The following SGCD variants were observed in gnomAD, a reference collection of about 807,000 sequenced individuals.
SGCD encodes sarcoglycan delta.
Under a neutral mutation model 36.6 loss-of-function variants are expected in SGCD, and 18 were observed. That is an observed-to-expected ratio of 0.49 (90% CI 0.34 to 0.73). The LOEUF is 0.73. SGCD is among the 30% of genes least tolerant of loss of function. The pLI is 0.01. For synonymous variants in SGCD, 133 were observed against 130.6 expected (o/e 1.02, Z -0.12); for missense variants, 387 against 346.7 (o/e 1.12, Z -0.92).
chr5:155,854,074 T>G, the SGCD span, among the ~76,000 whole-genome samples: 5 of 152,202 alleles, frequency 3.3e-5, no homozygotes, highest in African/African-American at 1.2e-4. Context: ...TTAAAAAATC[T>G]TGCACAACAG....
At chr5:156,410,469 C>T (rs1344587425) in intron 3 of SGCD, among the ~76,000 whole-genome samples, 5 of 152,154 alleles carry the variant, frequency 3.3e-5, no homozygotes, top group South Asian at 2.1e-4. Context: ...ACCTCAGTGT[C>T]GTGCAATATA....
chr5:155,801,237 T>A, the SGCD span, among the ~76,000 whole-genome samples: 2 of 152,246 alleles, frequency 1.3e-5, no homozygotes, highest in Admixed American at 6.5e-5. Context: ...AACAAAGACA[T>A]TTCTTGTCTT....
Position 155,905,149 on chromosome 5 carries a change from G to A in SGCD, c.-282+34725G>A, listed in dbSNP as rs186575497. Among the ~76,000 whole-genome samples, 75 of 152,256 alleles carry A rather than the reference G, an allele frequency of 4.9e-4. 2 individuals carry two copies. The highest frequency in any genetic ancestry group is 1.8e-3 in the African/African-American group (73 of 41,546). Reference sequence around the variant, plus strand: ...CCAAGTCCCAGGCAAGATGTCTCTCGTAGCCAATGCTGCAGACCTGAGAAT... The same window carrying A: ...CCAAGTCCCAGGCAAGATGTCTCTCATAGCCAATGCTGCAGACCTGAGAAT... On this transcript the variant is annotated intron_variant, in intron 1 of 9. Coordinates refer to the SGCD transcript ENST00000517913.
At chr5:156,104,024 A>G (rs1352724746) in intron 1 of SGCD, among the ~76,000 whole-genome samples, 1 of 152,130 alleles carries the variant, frequency 6.6e-6, no homozygotes, top group South Asian at 2.1e-4. Context: ...ATATTAATGA[A>G]TATAATGACC....
chr5:155,738,068 G>A, the SGCD span, among the ~76,000 whole-genome samples: 2 of 151,990 alleles, frequency 1.3e-5, no homozygotes, highest in Non-Finnish European at 1.5e-5. Context: ...GTCTCTCTCT[G>A]GACCACTTCT....
intron 4 of SGCD, among the ~76,000 whole-genome samples, chr5:156,537,751 G>T: frequency 6.6e-6 from 1 of 151,732 alleles, no homozygotes; most frequent in East Asian, 1.9e-4. Context: ...GGCTGCCTTA[G>T]CTAGTCCCAT....
chr5:156,017,902 G>A (rs1759018783), intron 1 of SGCD, among the ~76,000 whole-genome samples: 1 of 152,154 alleles, frequency 6.6e-6, no homozygotes, highest in Admixed American at 6.5e-5. Flanking sequence ...GCTCACTCCT[G>A]TAATCCCAGC....
At chr5:155,808,805 T>A in the SGCD span, among the ~76,000 whole-genome samples, 1 of 152,206 alleles carries the variant, frequency 6.6e-6, no homozygotes, top group Non-Finnish European at 1.5e-5. Context: ...TCTCATGTTG[T>A]AGTTACATTA....
chr5:156,415,088 G>C (rs1045613909), intron 3 of SGCD, among the ~76,000 whole-genome samples: 4 of 151,964 alleles, frequency 2.6e-5, no homozygotes, highest in African/African-American at 9.7e-5. Context: ...GGTGGCCAAG[G>C]TTTCAGTCTT....
intron 4 of SGCD, among the ~76,000 whole-genome samples, chr5:156,515,794 G>A (rs1174032602): frequency 6.6e-6 from 1 of 152,232 alleles, no homozygotes; most frequent in African/African-American, 2.4e-5. Context: ...AGAGGGGAAG[G>A]GGAGCTGCCA....
chr5:156,031,925 A>T (rs1260032508), intron 1 of SGCD, among the ~76,000 whole-genome samples: 1 of 152,192 alleles, frequency 6.6e-6, no homozygotes, highest in African/African-American at 2.4e-5. Context: ...CTAAGTCATT[A>T]TATCAATTTA....
chr5:156,336,469 C>T (rs1283011735), intron 2 of SGCD, among the ~76,000 whole-genome samples: 1 of 152,160 alleles, frequency 6.6e-6, no homozygotes, highest in Non-Finnish European at 1.5e-5. Context: ...AACCTCCTCG[C>T]TATTTGTCTC....
intron 3 of SGCD, among the ~76,000 whole-genome samples, chr5:156,194,033 A>G (rs890593410): frequency 1.3e-5 from 2 of 152,188 alleles, no homozygotes; most frequent in Non-Finnish European, 2.9e-5. Context: ...TAAAATTTAA[A>G]TTTTTAAATA....
At chr5:156,675,339 A>G (rs1753465536) in intron 7 of SGCD, among the ~76,000 whole-genome samples, 2 of 152,224 alleles carry the variant, frequency 1.3e-5, no homozygotes, top group African/African-American at 4.8e-5. Flanking sequence ...ACAGATTGTT[A>G]CTTATTCTTG....
the SGCD span, among the ~76,000 whole-genome samples, chr5:155,841,034 A>ACGTGGGGT: frequency 7.5e-6 from 1 of 133,560 alleles, no homozygotes; most frequent in Non-Finnish European, 1.5e-5. Context: ...AAAAAAAAAG[A>ACGTGGGGT]CTGGGGCACT....
intron 6 of SGCD, among the ~76,000 whole-genome samples, chr5:156,603,128 G>T (rs73299153): frequency 0.031 from 4,733 of 152,006 alleles, 252 homozygotes; most frequent in African/African-American, 0.11. Flanking sequence ...CTCATTATTG[G>T]TCTGTTCCCA....
At chr5:155,825,861 G>A in the SGCD span, among the ~76,000 whole-genome samples, 1 of 151,856 alleles carries the variant, frequency 6.6e-6, no homozygotes, top group African/African-American at 2.4e-5. Context: ...CAATTCTTGT[G>A]CCTCAGCCTC....
chr5:156,441,514 G>A (rs979519098), intron 3 of SGCD, among the ~76,000 whole-genome samples: 1 of 152,008 alleles, frequency 6.6e-6, no homozygotes, highest in African/African-American at 2.4e-5. Flanking sequence ...CATTACATAT[G>A]GTACAGAACT....
chr5:156,158,860 C>T (rs1411305376), intron 3 of SGCD, among the ~76,000 whole-genome samples: 1 of 151,440 alleles, frequency 6.6e-6, no homozygotes, highest in Non-Finnish European at 1.5e-5. Flanking sequence ...AGAATTGAGA[C>T]CTCCTAGCTT....
Sources: gnomAD v4.1 joint callset for allele counts (sites outside exome capture counted in the v4.1 genomes callset) on GRCh38, gnomAD v4.1.1 for gene constraint, MANE v1.5 for transcripts, NCBI Gene and HGNC (gene_info 2026-07-23, HGNC 2026-07-21) for gene names.